The following PCDHGA8 variants were observed in gnomAD, a reference collection of about 807,000 sequenced individuals.
PCDHGA8 encodes protocadherin gamma-A8.
A neutral mutation model predicts 59.2 loss-of-function variants in PCDHGA8; 45 were observed. The ratio of observed to expected loss-of-function variants is 0.76; its 90% CI spans 0.60 to 0.98. PCDHGA8 has a LOEUF of 0.98. Ranked by LOEUF, PCDHGA8 falls within the 50% of genes least tolerant of loss-of-function variation. PCDHGA8 has a pLI of 0.00. For missense variants in PCDHGA8, 1,257 were observed against 1,196.2 expected (o/e 1.05, Z -0.75); for synonymous variants, 531 against 519.0 (o/e 1.02, Z -0.32).
At chr5:141,466,549 T>C (rs778708029) in intron 1 of PCDHGA8, among the ~76,000 whole-genome samples, 2 of 152,244 alleles carry the variant, frequency 1.3e-5, no homozygotes, top group African/African-American at 2.4e-5. Flanking sequence ...GGTCTTTTGC[T>C]GTGGGCTTCA....
At chr5:141,427,426 C>G (rs569185252) in intron 1 of PCDHGA8, 1 of 469,896 alleles carries the variant, frequency 2.1e-6, no homozygotes, top group Admixed American at 2.3e-5. Flanking sequence ...GGGGAGGTTA[C>G]ATGCCTCATA....
intron 1 of PCDHGA8, among the ~76,000 whole-genome samples, chr5:141,462,203 G>A (rs544238255): frequency 2.6e-5 from 4 of 152,036 alleles, no homozygotes; most frequent in East Asian, 1.9e-4. Flanking sequence ...CAGGTGATCC[G>A]CCTGCCTCGG....
chr5:141,413,366 C>T (rs1452603006), intron 1 of PCDHGA8: 2 of 1,613,958 alleles, frequency 1.2e-6, no homozygotes, highest in Middle Eastern at 1.7e-4. Flanking sequence ...CGGGAGCTGG[C>T]GGAGCGCGGA....
At chr5:141,447,675 C>T (rs1416110491) in intron 1 of PCDHGA8, among the ~76,000 whole-genome samples, 13 of 152,064 alleles carry the variant, frequency 8.5e-5, no homozygotes, top group Admixed American at 8.5e-4. Context: ...TAGAACTGTT[C>T]CATATCTTGA....
chr5:141,495,005 C>T (rs555909709), intron 2 of PCDHGA8, 140 bp downstream of exon 2: 1,141 of 1,522,692 alleles, frequency 7.5e-4, no homozygotes, highest in Non-Finnish European at 8.4e-4. Context: ...TCTTGGTGTG[C>T]GGGGGGCTGG....
At chr5:141,473,102 C>T (rs1465515592) in intron 1 of PCDHGA8, among the ~76,000 whole-genome samples, 1 of 152,054 alleles carries the variant, frequency 6.6e-6, no homozygotes, top group Non-Finnish European at 1.5e-5. Flanking sequence ...AGTTGTATTA[C>T]CACACTTTAC....
chr5:141,431,901 A>G lies in PCDHGA8; in HGVS notation c.2424+36664A>G, dbSNP rs1373642371. 5.0e-6 allele frequency: 8 copies of G among 1,613,872 alleles called. No homozygotes were observed. The highest frequency in any genetic ancestry group is 1.6e-4 in the Middle Eastern group (1 of 6,062). On this transcript the variant is annotated intron_variant, in intron 1 of 3. Coordinates refer to ENST00000398604, the MANE Select transcript of PCDHGA8 (RefSeq NM_032088.2). This position sits in a 1 kb window ranked among gnomAD's most constrained non-coding sequence, Gnocchi z 4.8. Reference sequence around the variant, plus strand: ...GACCAAGATTCTGAGGAAAACGGACAGGTGATCTGTTTCATCCAAGGAAAT... The same window carrying G: ...GACCAAGATTCTGAGGAAAACGGACGGGTGATCTGTTTCATCCAAGGAAAT...
intron 2 of PCDHGA8, among the ~76,000 whole-genome samples, chr5:141,501,294 C>CAT (rs200497585): frequency 0.16 from 9,924 of 62,810 alleles, 350 homozygotes; most frequent in Non-Finnish European, 0.25. Flanking sequence ...CCCTTATACA[C>CAT]ACACACACAC....
intron 1 of PCDHGA8, among the ~76,000 whole-genome samples, chr5:141,488,544 C>G (rs1225754325): frequency 6.6e-6 from 1 of 152,166 alleles, no homozygotes; most frequent in African/African-American, 2.4e-5. Flanking sequence ...AGTCCCATGT[C>G]AGCTGACATT....
intron 1 of PCDHGA8, chr5:141,426,887 G>C (rs1309180455): frequency 6.6e-6 from 3 of 456,646 alleles, no homozygotes; most frequent in South Asian, 4.6e-5. Context: ...TGGGCCAGGA[G>C]CAACAGAGCT....
chr5:141,505,621 A>G (rs1170133157), intron 3 of PCDHGA8, 140 bp downstream of exon 3: 5 of 1,495,758 alleles, frequency 3.3e-6, no homozygotes, highest in South Asian at 2.6e-5. Context: ...AGGACCCACA[A>G]TTCCAAACAT....
Position 141,490,486 on chromosome 5 carries a change from G to A in PCDHGA8, c.2425-4321G>A, listed in dbSNP as rs1187388706. The A allele has an allele frequency of 1.2e-6, 2 of 1,614,090 alleles. No individual in the cohort carries two copies. On this transcript the variant is annotated intron_variant, in intron 1 of 3. Transcript: ENST00000398604. The surrounding 1 kb of genome is among the most constrained non-coding windows in gnomAD (Gnocchi z 5.4). ...AACCAGCCAGCCTTTGGACCGGGAG[G>A]CCACATCCCACTATATCATCGAGCT...
intron 1 of PCDHGA8, chr5:141,410,849 CTTTTTT>C (rs759346998): frequency 3.0e-4 from 42 of 138,124 alleles, no homozygotes; most frequent in Middle Eastern, 4.3e-3. Context: ...TTGTCTTTGT[CTTTTTT>C]TTTTTTTTTT....
At chr5:141,501,298 C>T (rs998006748) in intron 2 of PCDHGA8, among the ~76,000 whole-genome samples, 216 of 148,422 alleles carry the variant, frequency 1.5e-3, no homozygotes, top group Admixed American at 2.4e-3. Context: ...TATACACACA[C>T]ACACACACAC....
At chr5:141,499,648 CAT>C (rs1434824310) in intron 2 of PCDHGA8, among the ~76,000 whole-genome samples, 2 of 148,784 alleles carry the variant, frequency 1.3e-5, no homozygotes, top group Admixed American at 6.7e-5. Flanking sequence ...TCTCAGACAT[CAT>C]ATAATTTCAT....
chr5:141,444,467 G>A (rs1288596542), intron 1 of PCDHGA8, among the ~76,000 whole-genome samples: 3 of 151,998 alleles, frequency 2.0e-5, no homozygotes, highest in African/African-American at 4.8e-5. Flanking sequence ...CACTGCGCCC[G>A]GTCGCGTACT....
rs746781669 is a variant in PCDHGA8 at position 141,393,970 on chromosome 5, C to T, written c.1157C>T (p.Thr386Ile). The T allele has an allele frequency of 3.1e-6, 5 of 1,613,870 alleles. No individual in the cohort carries two copies. Among genetic ancestry groups the T allele is most frequent in the Middle Eastern group, 3.3e-4 (2 of 6,062 alleles). ...SGKNGQVVCY[T>I]RDNLPFKLEK... ...AAGAATGGTCAAGTTGTCTGTTACA[C>T]ACGTGATAATTTACCTTTTAAATTA... The change falls in exon 1 of 4, where the codon ACA (threonine) becomes ATA (isoleucine). Residue 386 changes from threonine (T) to isoleucine (I), a missense_variant. By Grantham distance (89) the Thr-to-Ile change is moderately conservative. Coordinates refer to ENST00000398604, the MANE Select transcript of PCDHGA8 (RefSeq NM_032088.2).
chr5:141,444,410 A>G (rs2098435910), intron 1 of PCDHGA8, among the ~76,000 whole-genome samples: 1 of 151,922 alleles, frequency 6.6e-6, no homozygotes, highest in African/African-American at 2.4e-5. Flanking sequence ...ACCTCAGGTG[A>G]TCTTCCCTCC....
At chr5:141,405,523 G>T (rs140184617) in intron 1 of PCDHGA8, 2 of 679,202 alleles carry the variant, frequency 2.9e-6, no homozygotes, top group African/African-American at 3.6e-5. Context: ...AAATTCAAGC[G>T]ATTCTCCTGC....
Sources: gnomAD v4.1 joint callset for allele counts (sites outside exome capture counted in the v4.1 genomes callset) on GRCh38, gnomAD v4.1.1 for gene constraint, Gnocchi (gnomAD v3.1) non-coding constraint, MANE v1.5 for transcripts, NCBI Gene and HGNC (gene_info 2026-07-23, HGNC 2026-07-21) for gene names.